Variants in ARHGEF10L observed in about 807,000 individuals in gnomAD.
ARHGEF10L encodes the protein rho guanine nucleotide exchange factor 10-like protein.
A neutral mutation model predicts 141.2 loss-of-function variants in ARHGEF10L; 69 were observed. That is an observed-to-expected ratio of 0.49 (90% CI 0.40 to 0.60). ARHGEF10L has a LOEUF of 0.60. ARHGEF10L is among the 20% of genes least tolerant of loss of function. ARHGEF10L has a pLI of 0.00. For synonymous variants in ARHGEF10L, 711 were observed against 718.5 expected (o/e 0.99, Z 0.17); for missense variants, 1,482 against 1,734.3 (o/e 0.85, Z 2.58).
chr1:17,591,660 C>T (rs1398523567), intron 4 of ARHGEF10L, among the ~76,000 whole-genome samples: 1 of 152,114 alleles, frequency 6.6e-6, no homozygotes, highest in African/African-American at 2.4e-5. Flanking sequence ...GATCCACCCA[C>T]CTCGGCCTCC....
intron 16 of ARHGEF10L, among the ~76,000 whole-genome samples, chr1:17,633,236 G>C (rs367599934): frequency 1.5e-4 from 23 of 152,326 alleles, no homozygotes; most frequent in South Asian, 1.4e-3. Context: ...TCCCCTGCTT[G>C]GTCCTGCAGG....
Position 17,608,017 on chromosome 1 carries a change from C to T in ARHGEF10L, c.609+40C>T, listed in dbSNP as rs200250179. ...GGTGTCGCTCACCTCAGTCAGGGCA[C>T]GGAGACCCCTTCAGGGAGGGAGGGA... On this transcript the variant is annotated intron_variant, in intron 7 of 28. Transcript: ENST00000361221. The T allele has an allele frequency of 2.6e-3, 801 of 312,902 alleles. 2 individuals are homozygous for T. Among genetic ancestry groups the T allele is most frequent in the African/African-American group, 0.013 (567 of 42,866 alleles). The allele number at this position is 312,902 out of a possible 1,614,324, so 19.4% of individuals were successfully genotyped here. A position where few individuals can be genotyped will look rare whatever the true frequency, so the allele number is the denominator to read the frequency against.
chr1:17,690,116 C>T (rs1241168166), intron 27 of ARHGEF10L, among the ~76,000 whole-genome samples: 3 of 152,222 alleles, frequency 2.0e-5, no homozygotes, highest in African/African-American at 4.8e-5. Flanking sequence ...AGCAGCCCCA[C>T]GGACTCTCGT....
At chr1:17,583,503 C>T (rs188723374) in intron 2 of ARHGEF10L, among the ~76,000 whole-genome samples, 45 of 152,290 alleles carry the variant, frequency 3.0e-4, no homozygotes, top group Admixed American at 2.6e-3. Flanking sequence ...TATGTTCATT[C>T]ATTCCCTCCT....
intron 1 of ARHGEF10L, among the ~76,000 whole-genome samples, chr1:17,553,294 T>C (rs970065063): frequency 2.0e-5 from 3 of 152,222 alleles, no homozygotes; most frequent in Non-Finnish European, 4.4e-5. Flanking sequence ...AGTTTCCTCT[T>C]CTGTGAGATG....
chr1:17,578,463 T>C (rs1278828253), intron 1 of ARHGEF10L, among the ~76,000 whole-genome samples: 1 of 152,228 alleles, frequency 6.6e-6, no homozygotes, highest in Non-Finnish European at 1.5e-5. Flanking sequence ...CAAGGGAGGA[T>C]GGCTTGAGCC....
chr1:17,539,762 G>T lies in ARHGEF10L; in HGVS notation c.-232G>T, dbSNP rs1164149562. 1.4e-5 allele frequency: 2 copies of T among 146,228 alleles called. No homozygotes were observed. The highest frequency in any genetic ancestry group is 3.7e-4 in the South Asian group (2 of 5,416). The allele number at this position is 146,228 out of a possible 1,614,324, so 9.1% of individuals were successfully genotyped here. On this transcript the variant is annotated 5_prime_UTR_variant, in exon 1 of 29. Transcript: ENST00000361221. The surrounding 1 kb of genome is among the most constrained non-coding windows in gnomAD (Gnocchi z 6.0). The stretch of plus-strand genomic sequence containing the variant: ...GCGCGGCGGGCGCGGGCGCAGTCCC[G>T]GCGGGCCCGGACCTCGCGGGCGGGC...
At chr1:17,616,037 C>A in intron 8 of ARHGEF10L, 57 bp from the exon 9 acceptor site, 1 of 1,496,216 alleles carries the variant, frequency 6.7e-7, no homozygotes, top group Non-Finnish European at 9.3e-7. Context: ...GGGTGGCCCT[C>A]GGTAGCAGGC....
chr1:17,602,061 A>G (rs2080733246), intron 4 of ARHGEF10L, 66 bp from the exon 5 acceptor site: 1 of 1,401,958 alleles, frequency 7.1e-7, no homozygotes, highest in East Asian at 2.6e-5. Context: ...TGACCAGGTG[A>G]GGGGCTGCCA....
intron 7 of ARHGEF10L, among the ~76,000 whole-genome samples, chr1:17,609,108 G>A (rs1004491370): frequency 1.3e-5 from 2 of 152,176 alleles, no homozygotes; most frequent in Non-Finnish European, 2.9e-5. Context: ...AAGATGTAGC[G>A]GGGCGGGAGA....
chr1:17,581,615 C>T (rs2078573798), intron 2 of ARHGEF10L, among the ~76,000 whole-genome samples: 1 of 152,132 alleles, frequency 6.6e-6, no homozygotes, highest in South Asian at 2.1e-4. Context: ...CCTGACCCTG[C>T]CACTTAGACT....
chr1:17,529,673 T>C, the ARHGEF10L span, among the ~76,000 whole-genome samples: 1 of 152,042 alleles, frequency 6.6e-6, no homozygotes, highest in African/African-American at 2.4e-5. Context: ...ATCTGGGAAG[T>C]TCCTGGGAGC....
chr1:17,568,949 G>A (rs1028707705), intron 1 of ARHGEF10L, among the ~76,000 whole-genome samples: 5 of 152,042 alleles, frequency 3.3e-5, no homozygotes, highest in Admixed American at 6.6e-5. Context: ...GCCCCAGTCC[G>A]CATCTTCTCA....
At chr1:17,610,269 G>A (rs937400673) in intron 7 of ARHGEF10L, among the ~76,000 whole-genome samples, 50 of 152,194 alleles carry the variant, frequency 3.3e-4, no homozygotes, top group Non-Finnish European at 6.5e-4. Context: ...CTGCCCCCAG[G>A]GGGTATAAGG....
chr1:17,525,312 T>C, the ARHGEF10L span, among the ~76,000 whole-genome samples: 2 of 152,176 alleles, frequency 1.3e-5, 1 homozygote, highest in Non-Finnish European at 2.9e-5. Context: ...CCGTTCTATC[T>C]GATAAAAAAG....
At chr1:17,637,767 G>A (rs1359495338) in intron 18 of ARHGEF10L, 121 bp from the exon 19 acceptor site, 8 of 801,578 alleles carry the variant, frequency 1.0e-5, no homozygotes, top group Non-Finnish European at 1.5e-5. Context: ...GCCTCCCAAA[G>A]TGCTGGGATT....
Position 17,607,771 on chromosome 1 carries a change from C to G in ARHGEF10L, c.434-31C>G. 1 of 1,522,018 alleles carries G rather than the reference C, an allele frequency of 6.6e-7. No homozygotes were observed. Among genetic ancestry groups the G allele is most frequent in the East Asian group, 2.5e-5 (1 of 39,662 alleles). The allele number at this position is 1,522,018 out of a possible 1,614,324, so 94.3% of individuals were successfully genotyped here. ...AGTCTGGTAGGCTTGGCCTCAGGGC[C>G]TGGGCTCACCGGCTGCCGCTTGGCC... On this transcript the variant is annotated intron_variant, in intron 6 of 28. Coordinates refer to ENST00000361221, the MANE Select transcript of ARHGEF10L (RefSeq NM_018125.4). This position sits in a 1 kb window ranked among gnomAD's most constrained non-coding sequence, Gnocchi z 4.5.
At chr1:17,648,468 G>C in intron 21 of ARHGEF10L, 86 bp from the exon 22 acceptor site, 4 of 1,541,036 alleles carry the variant, frequency 2.6e-6, no homozygotes, top group South Asian at 2.4e-5. Context: ...GCCTGCAGTG[G>C]CTCCCTGGGG....
In ARHGEF10L at chr1:17,623,267, C is replaced by T; in HGVS notation, c.1200+92C>T. On this transcript the variant is annotated intron_variant, in intron 12 of 28. Coordinates refer to ENST00000361221, the MANE Select transcript of ARHGEF10L (RefSeq NM_018125.4). This position sits in a 1 kb window ranked among gnomAD's most constrained non-coding sequence, Gnocchi z 4.7. ...CATGCAGTCCAGCCTCCTGCCTCTG[C>T]CTGCTTGCCTTGTTCAAGTCAGTGG... 2.1e-6 allele frequency: 3 copies of T among 1,448,642 alleles called. No individual in the cohort carries two copies. Among genetic ancestry groups the T allele is most frequent in the Non-Finnish European group, 1.9e-6 (2 of 1,065,056 alleles). 89.7% of individuals were successfully genotyped at this position (1,448,642 alleles called of 1,614,324 possible).
Sources: allele counts gnomAD v4.1 joint callset (sites outside exome capture counted in the v4.1 genomes callset), GRCh38; gene constraint gnomAD v4.1.1; non-coding constraint Gnocchi (gnomAD v3.1); transcripts MANE v1.5; gene names NCBI Gene and HGNC (gene_info 2026-07-23, HGNC 2026-07-21).